NUDT5: variants seen among roughly 807,000 people sequenced by gnomAD.
NUDT5 encodes the protein ADP-sugar pyrophosphatase.
NUDT5 carries 21 observed loss-of-function variants against 34.1 expected under a neutral mutation model. That is an observed-to-expected ratio of 0.62 (90% CI 0.44 to 0.89). The LOEUF (loss-of-function observed/expected upper bound fraction) is 0.89, where lower values mean the gene tolerates loss of function less well. Ranked by LOEUF, NUDT5 falls within the 40% of genes least tolerant of loss-of-function variation. The pLI, the probability that NUDT5 is intolerant of heterozygous loss-of-function variation, is 0.00. For missense variants in NUDT5, 249 were observed against 274.8 expected, an observed-to-expected ratio of 0.91 and a Z score of 0.66; for synonymous variants, 85 against 97.6, an observed-to-expected ratio of 0.87 and a Z score of 0.76.
intron 3 of NUDT5, among the ~76,000 whole-genome samples, chr10:12,180,224 C>T (rs931968233): frequency 6.6e-6 from 1 of 152,194 alleles, no homozygotes; most frequent in Admixed American, 6.5e-5. Flanking sequence ...AATTGTAGGT[C>T]TTTCAGCATT....
In NUDT5 at chr10:12,181,716, C is replaced by T. The variant is rs770174617; in HGVS notation, c.132-2584G>A. On this transcript the variant is annotated intron_variant, in intron 3 of 9. Transcript: ENST00000491614. This position sits in a 1 kb window ranked among gnomAD's most constrained non-coding sequence, Gnocchi z 5.0. Reference sequence around the variant, plus strand: ...ATATCGGGCCGGGTGTGGTGGCTCACGCCTGAAACCCCAGCACTTTGGGAG... The same window carrying T: ...ATATCGGGCCGGGTGTGGTGGCTCATGCCTGAAACCCCAGCACTTTGGGAG... Among the ~76,000 whole-genome samples, 8 of 152,110 alleles carry T rather than the reference C, an allele frequency of 5.3e-5. No individual in the cohort carries two copies. In the East Asian group the frequency reaches 1.2e-3, roughly 22 times the overall value.
chr10:12,172,758 CA>C lies in NUDT5; in HGVS notation c.487+6del. 6.2e-7 allele frequency: 1 copy of C among 1,606,074 alleles called. No homozygotes were observed. Among genetic ancestry groups the C allele is most frequent in the Non-Finnish European group, 8.5e-7 (1 of 1,172,638 alleles). On this transcript the variant is annotated splice_donor_region_variant and intron_variant, in intron 7 of 9. Transcript: ENST00000491614. ...CACCACCTTCATCACAGCCGACACA[CA>C]CATACCTGGCTTTGGCTTCGGCCTT...
intron 1 of NUDT5, among the ~76,000 whole-genome samples, chr10:12,193,008 A>G (rs1255206716): frequency 1.3e-5 from 1 of 74,688 alleles, no homozygotes; most frequent in Non-Finnish European, 2.7e-5. Context: ...CGTTTACTGA[A>G]ATTATGCTAC....
chr10:12,193,720 A>G (rs1423237003), intron 1 of NUDT5, among the ~76,000 whole-genome samples: 2 of 152,232 alleles, frequency 1.3e-5, no homozygotes, highest in Admixed American at 1.3e-4. Context: ...CATTGAACAC[A>G]CTTCTAAAGT....
rs779975964 is a variant in NUDT5, at chr10:12,182,454, A to G, written c.131+2435T>C. 9.9e-5 allele frequency among the ~76,000 whole-genome samples: 15 copies of G among 152,196 alleles called. No homozygotes were observed. Among genetic ancestry groups the G allele is most frequent in the Admixed American group, 1.3e-4 (2 of 15,270 alleles). On this transcript the variant is annotated intron_variant, in intron 3 of 9. Transcript: ENST00000491614. The surrounding 1 kb of genome is among the most constrained non-coding windows in gnomAD (Gnocchi z 4.3). Reference sequence around the variant, plus strand: ...ACAAAGACTCATTCTTCAAAGGGTGACATTCTGGTATAAAATATTAGTGCT... The same window carrying G: ...ACAAAGACTCATTCTTCAAAGGGTGGCATTCTGGTATAAAATATTAGTGCT...
rs898936285 is a variant in NUDT5 at position 12,170,809 on chromosome 10, C to T, written c.497-39G>A. The T allele has an allele frequency of 3.1e-6, 5 of 1,613,446 alleles. No homozygotes were observed. In the African/African-American group the frequency reaches 4.0e-5, roughly 13 times the overall value. On this transcript the variant is annotated intron_variant, in intron 8 of 9. Transcript: ENST00000491614. The surrounding 1 kb of genome is among the most constrained non-coding windows in gnomAD (Gnocchi z 4.9). ...GTGCAAGTGAAAACAAAGCTAACGT[C>T]AAGAGCCTACCAAAACAACCCAAAA...
Position 12,166,819 on chromosome 10 carries a change from T to C in NUDT5, c.*883A>G. ...GGCCCAGGAACACTGGTAGAACTGC[T>C]AGATGACAGGGTTTCAGGCATGGGA... is the stretch of plus-strand genomic sequence containing the variant. On this transcript the variant is annotated 3_prime_UTR_variant, in exon 10 of 10. Coordinates refer to ENST00000491614, the MANE Select transcript of NUDT5 (RefSeq NM_014142.4). The C allele has an allele frequency of 2.1e-6, 1 of 465,274 alleles. No individual in the cohort carries two copies. The highest frequency in any genetic ancestry group is 1.6e-5 in the South Asian group (1 of 63,550). 28.8% of individuals were successfully genotyped at this position (465,274 alleles called of 1,614,324 possible).
rs933836214 is a variant in NUDT5 at position 12,175,574 on chromosome 10, C to A, written c.290-1761G>T. Reference sequence around the variant, plus strand: ...GGAGGATCACTTGAGCCCAGAAGGTCAAGGCTGCAGTGAGCTGTGATTGTG... The same window carrying A: ...GGAGGATCACTTGAGCCCAGAAGGTAAAGGCTGCAGTGAGCTGTGATTGTG... On this transcript the variant is annotated intron_variant, in intron 5 of 9. Coordinates refer to ENST00000491614, the MANE Select transcript of NUDT5 (RefSeq NM_014142.4). This position sits in a 1 kb window ranked among gnomAD's most constrained non-coding sequence, Gnocchi z 4.8. Among the ~76,000 whole-genome samples the A allele has an allele frequency of 6.6e-6, 1 of 151,578 alleles. No individual in the cohort carries two copies. Among genetic ancestry groups the A allele is most frequent in the Non-Finnish European group, 1.5e-5 (1 of 67,930 alleles).
rs530539360 is a variant in NUDT5 at position 12,180,678 on chromosome 10, C to T, written c.132-1546G>A. On this transcript the variant is annotated intron_variant, in intron 3 of 9. Transcript: ENST00000491614. The stretch of plus-strand genomic sequence containing the variant: ...GTGAGATGCACAGCTGACTGGAAGT[C>T]AGCTCTTCGTCTCTACTTGCCCGCC... Among the ~76,000 whole-genome samples the T allele has an allele frequency of 2.6e-5, 4 of 152,374 alleles. No homozygotes were observed. In the East Asian group the frequency reaches 7.7e-4, roughly 29 times the overall value.
In NUDT5 at chr10:12,167,840, T is replaced by A. The variant is rs753779407; in HGVS notation, c.551-29A>T. ...TGGAAAGCAAAGAAAACAACTTAGA[T>A]CATGCCGTTAAGGAAGGACAAAACA... On this transcript the variant is annotated intron_variant, in intron 9 of 9. Transcript: ENST00000491614. 8 of 1,612,072 alleles carry A rather than the reference T, an allele frequency of 5.0e-6. No homozygotes were observed. The Admixed American group carries it at 1.2e-4, about 24-fold the overall frequency.
chr10:12,186,167 A>T, intron 2 of NUDT5, 62 bp downstream of exon 2: 2 of 1,216,284 alleles, frequency 1.6e-6, no homozygotes, highest in Non-Finnish European at 2.4e-6. Flanking sequence ...AACAGTCTAT[A>T]TATTTCTGCT....
At chr10:12,190,935 G>A (rs1352067010) in intron 1 of NUDT5, among the ~76,000 whole-genome samples, 2 of 152,074 alleles carry the variant, frequency 1.3e-5, no homozygotes, top group Non-Finnish European at 2.9e-5. Flanking sequence ...AGTTTGATGT[G>A]AAGACATGGT....
intron 1 of NUDT5, among the ~76,000 whole-genome samples, 171 bp from the exon 2 acceptor site, chr10:12,186,503 G>C (rs546286362): frequency 6.6e-6 from 1 of 152,204 alleles, no homozygotes; most frequent in Non-Finnish European, 1.5e-5. Flanking sequence ...AGGGAGGCCC[G>C]GGGATTAGCC....
rs1835061466 is a variant in NUDT5 at position 12,182,667 on chromosome 10, G to C, written c.131+2222C>G. On this transcript the variant is annotated intron_variant, in intron 3 of 9. Transcript: ENST00000491614. The surrounding 1 kb of genome is among the most constrained non-coding windows in gnomAD (Gnocchi z 4.3). The stretch of plus-strand genomic sequence containing the variant: ...CCATATGATTCTGATGTACATCCCT[G>C]ATTAGGAAATGCAGGAAGGGCAGAA... Among the ~76,000 whole-genome samples the C allele has an allele frequency of 6.6e-6, 1 of 152,178 alleles. No homozygotes were observed. Among genetic ancestry groups the C allele is most frequent in the Admixed American group, 6.5e-5 (1 of 15,284 alleles).
In NUDT5 at chr10:12,177,851, G is replaced by A. The variant is rs773127839; in HGVS notation, c.231C>T (p.Ile77=). 5.5e-5 allele frequency: 88 copies of A among 1,614,002 alleles called. No individual in the cohort carries two copies. Among genetic ancestry groups the A allele is most frequent in the South Asian group, 4.5e-4 (41 of 91,082 alleles). Reference sequence around the variant, plus strand: ...GTGGTCGGAACTGTTTCACCAGAACGATACACTCATAGTGAAGTGTTCTCT... The same window carrying A: ...GTGGTCGGAACTGTTTCACCAGAACAATACACTCATAGTGAAGTGTTCTCT... ...VLQRTLHYEC[I]VLVKQFRPPM... is the part of the protein sequence containing the mutation. Residue 77 remains isoleucine, a synonymous_variant, in exon 5 of 10, where the codon ATC becomes ATT. Transcript: ENST00000491614.
chr10:12,179,310 G>C (rs561198643), intron 3 of NUDT5, among the ~76,000 whole-genome samples, 178 bp from the exon 4 acceptor site: 1 of 152,322 alleles, frequency 6.6e-6, no homozygotes. Context: ...CTTTCCTATA[G>C]CTTCTGAAAA....
At chr10:12,172,917 C>G in intron 6 of NUDT5, 51 bp from the exon 7 acceptor site, 1 of 1,342,708 alleles carries the variant, frequency 7.4e-7, no homozygotes, top group African/African-American at 1.4e-5. Context: ...GCATTTGTTT[C>G]ACTATGGTCT....
At chr10:12,191,112 A>G (rs1233660396) in intron 1 of NUDT5, among the ~76,000 whole-genome samples, 1 of 152,056 alleles carries the variant, frequency 6.6e-6, no homozygotes, top group Non-Finnish European at 1.5e-5. Flanking sequence ...GGCCGGGCAC[A>G]GTGGCTCATG....
chr10:12,174,188 A>G (rs1041244370), intron 5 of NUDT5, among the ~76,000 whole-genome samples: 1 of 151,056 alleles, frequency 6.6e-6, no homozygotes, highest in Non-Finnish European at 1.5e-5. Flanking sequence ...CTTGTAACAC[A>G]CCTGCTGCTG....
Sources: gnomAD v4.1 joint callset for allele counts (sites outside exome capture counted in the v4.1 genomes callset) on GRCh38, gnomAD v4.1.1 for gene constraint, Gnocchi (gnomAD v3.1) non-coding constraint, MANE v1.5 for transcripts, NCBI Gene and HGNC (gene_info 2026-07-23, HGNC 2026-07-21) for gene names.